The following RELL1 variants were observed in gnomAD, a reference collection of about 807,000 sequenced individuals.
RELL1 encodes the protein RELT-like protein 1.
Under a neutral mutation model 23.0 loss-of-function variants are expected in RELL1, and 10 were observed. The ratio of observed to expected loss-of-function variants is 0.43; its 90% confidence interval spans 0.27 to 0.74. The LOEUF (loss-of-function observed/expected upper bound fraction) is 0.74. Ranked by LOEUF, RELL1 falls within the 30% of genes least tolerant of loss-of-function variation. The pLI is 0.19. For missense variants in RELL1, 315 were observed against 364.4 expected, an observed-to-expected ratio of 0.86 and a Z score of 1.10; for synonymous variants, 146 against 146.8, an observed-to-expected ratio of 0.99 and a Z score of 0.04.
intron 6 of RELL1, among the ~76,000 whole-genome samples, chr4:37,604,860 C>CACATACACACAG (rs1719132403): frequency 7.6e-6 from 1 of 130,930 alleles, no homozygotes; most frequent in Non-Finnish European, 1.6e-5. Flanking sequence ...CAGACACACA[C>CACATACACACAG]ACACAGACAC....
chr4:37,600,780 C>CGCGTGTGTGTGT (rs1718994741), intron 6 of RELL1, among the ~76,000 whole-genome samples: 1 of 147,680 alleles, frequency 6.8e-6, no homozygotes, highest in Middle Eastern at 3.5e-3. Context: ...TGGATTTGTG[C>CGCGTGTGTGTGT]GTGTGTGTGT....
At chr4:37,614,450 A>T (rs1157561503) in intron 6 of RELL1, among the ~76,000 whole-genome samples, 1 of 152,210 alleles carries the variant, frequency 6.6e-6, no homozygotes, top group East Asian at 1.9e-4. Context: ...AAAAGGAAAC[A>T]CTGTCCAATA....
chr4:37,674,227 A>G (rs1721939836), intron 1 of RELL1, among the ~76,000 whole-genome samples: 2 of 152,212 alleles, frequency 1.3e-5, no homozygotes, highest in South Asian at 4.1e-4. Flanking sequence ...GAGAACAAAA[A>G]AGAAGTTTGT....
downstream of RELL1, among the ~76,000 whole-genome samples, chr4:37,586,863 T>C (rs1013670619): frequency 1.1e-4 from 16 of 152,176 alleles, no homozygotes; most frequent in Admixed American, 7.9e-4. Context: ...CGAGCCGAGA[T>C]TGTGCCATTG....
At chr4:37,596,301 G>A (rs1224970823) in intron 6 of RELL1, among the ~76,000 whole-genome samples, 2 of 152,124 alleles carry the variant, frequency 1.3e-5, no homozygotes, top group Non-Finnish European at 1.5e-5. Context: ...GGCATGTGGT[G>A]TGCTTGTTTA....
chr4:37,679,766 C>T (rs181592632), intron 1 of RELL1, among the ~76,000 whole-genome samples: 3 of 152,146 alleles, frequency 2.0e-5, no homozygotes, highest in Non-Finnish European at 4.4e-5. Context: ...ATCAGCCTGG[C>T]CAATATGGTG....
chr4:37,627,825 C>A (rs1007271199), intron 6 of RELL1, among the ~76,000 whole-genome samples: 5 of 152,114 alleles, frequency 3.3e-5, no homozygotes, highest in African/African-American at 1.2e-4. Context: ...TGAGCAAAAA[C>A]CTCTTTCAGG....
rs775849757 is a variant in RELL1 at position 37,635,034 on chromosome 4, T to A, written c.533A>T (p.His178Leu). The A allele has an allele frequency of 6.2e-7, 1 of 1,614,256 alleles. No homozygotes were observed. Among genetic ancestry groups the A allele is most frequent in the Non-Finnish European group, 8.5e-7 (1 of 1,180,052 alleles). ...GGTPGKHVCG[H>L]HLHTVGGVVE... ...AACACCGCCCACCGTATGCAGATGA[T>A]GGCCACAGACGTGCTTCCCTGGCGT... The change falls in exon 5 of 7, where the codon CAT becomes CTT. Residue 178 changes from histidine (H) to leucine (L), a missense_variant. His to Leu is a moderately conservative substitution (Grantham distance 99). Coordinates refer to ENST00000454158, the MANE Select transcript of RELL1 (RefSeq NM_001085400.2).
chr4:37,602,073 T>C (rs1263356304), intron 6 of RELL1, among the ~76,000 whole-genome samples: 1 of 151,810 alleles, frequency 6.6e-6, no homozygotes, highest in African/African-American at 2.4e-5. Context: ...ATAAAGTAGC[T>C]GAGCATGATG....
chr4:37,669,099 T>G (rs1577604609), intron 1 of RELL1, among the ~76,000 whole-genome samples: 5 of 101,604 alleles, frequency 4.9e-5, no homozygotes, highest in Admixed American at 1.0e-4. Flanking sequence ...GTCTGGGAGG[T>G]GAGGGGCGCC....
At chr4:37,598,682 C>T (rs1376363450) in intron 6 of RELL1, among the ~76,000 whole-genome samples, 2 of 151,798 alleles carry the variant, frequency 1.3e-5, no homozygotes, top group African/African-American at 4.9e-5. Context: ...GACTGAACAA[C>T]AAACCGGTGC....
chr4:37,623,999 G>T (rs545838806), intron 6 of RELL1, among the ~76,000 whole-genome samples: 126 of 152,262 alleles, frequency 8.3e-4, no homozygotes, highest in Non-Finnish European at 1.5e-3. Flanking sequence ...GTTAATAAAA[G>T]AAAAGCAATT....
chr4:37,662,961 G>C (rs28677164), intron 1 of RELL1, among the ~76,000 whole-genome samples: 1 of 152,108 alleles, frequency 6.6e-6, no homozygotes, highest in African/African-American at 2.4e-5. Context: ...CTGGAGCAAG[G>C]TCAGCTTGCC....
intron 5 of RELL1, 51 bp downstream of exon 5, chr4:37,634,836 A>C: frequency 6.8e-7 from 1 of 1,472,334 alleles, no homozygotes; most frequent in Non-Finnish European, 9.5e-7. Context: ...AAGTCCACAC[A>C]CCAGAGCACC....
At chr4:37,656,767 C>G (rs373277178) in intron 1 of RELL1, among the ~76,000 whole-genome samples, 1 of 152,194 alleles carries the variant, frequency 6.6e-6, no homozygotes, top group Non-Finnish European at 1.5e-5. Context: ...TCAGCTTCCT[C>G]GGCACTTTCT....
At chr4:37,685,984 G>T (rs1227350384) in intron 1 of RELL1, among the ~76,000 whole-genome samples, 2 of 152,184 alleles carry the variant, frequency 1.3e-5, no homozygotes, top group African/African-American at 2.4e-5. Flanking sequence ...GAGGGAAGGC[G>T]GGAGCGGGGC....
At chr4:37,628,172 C>A (rs1212114531) in intron 6 of RELL1, among the ~76,000 whole-genome samples, 1 of 152,150 alleles carries the variant, frequency 6.6e-6, no homozygotes, top group Non-Finnish European at 1.5e-5. Flanking sequence ...GGCCACCCAG[C>A]AGGTCTCAAT....
downstream of RELL1, among the ~76,000 whole-genome samples, chr4:37,605,866 GAGAA>G (rs1302957682): frequency 4.9e-5 from 7 of 143,208 alleles, no homozygotes; most frequent in Non-Finnish European, 4.6e-5. Flanking sequence ...AGAAAAGAAA[GAGAA>G]AGGAAAGAAG....
At chr4:37,684,492 T>C (rs1347667759) in intron 1 of RELL1, among the ~76,000 whole-genome samples, 5 of 152,222 alleles carry the variant, frequency 3.3e-5, no homozygotes, top group Non-Finnish European at 7.3e-5. Context: ...GATGGCTAAT[T>C]ACATGCATCA....
Sources: allele counts gnomAD v4.1 joint callset (sites outside exome capture counted in the v4.1 genomes callset), GRCh38; gene constraint gnomAD v4.1.1; transcripts MANE v1.5; gene names NCBI Gene and HGNC (gene_info 2026-07-23, HGNC 2026-07-21).